Variants in MAGI2 observed in about 807,000 individuals in gnomAD.
MAGI2 encodes membrane-associated guanylate kinase, WW and PDZ domain-containing protein 2.
In MAGI2, 35 loss-of-function variants were observed where a neutral mutation model predicts 133.3. The ratio of observed to expected loss-of-function variants is 0.26; its 90% CI spans 0.20 to 0.35. MAGI2 has a LOEUF of 0.35. MAGI2 is among the 10% of genes least tolerant of loss of function. The probability of loss-of-function intolerance (pLI) is 1.00; values close to 1 mark genes in which losing one functional copy is unlikely to be tolerated. For synonymous variants in MAGI2, 729 were observed against 710.6 expected, an observed-to-expected ratio of 1.03 and a Z score of -0.41; for missense variants, 1,636 against 1,863.4, an observed-to-expected ratio of 0.88 and a Z score of 2.25.
chr7:78,037,017 G>A (rs980837863), intron 21 of MAGI2, among the ~76,000 whole-genome samples: 9 of 151,356 alleles, frequency 5.9e-5, no homozygotes, highest in Non-Finnish European at 1.2e-4. Context: ...TATGAGTAGA[G>A]CAATAGCCCT....
rs73701473 is a variant in MAGI2, at chr7:78,417,125, A to G, written c.1046-47912T>C. ...AAATCCATTCTCTACTATTTCTGGT[A>G]AGTAACTAAATAAAGCTGCTTTGAG... On this transcript the variant is annotated intron_variant, in intron 6 of 21. Coordinates refer to ENST00000354212, the MANE Select transcript of MAGI2 (RefSeq NM_012301.4). 6.9e-3 allele frequency among the ~76,000 whole-genome samples: 1,043 copies of G among 152,246 alleles called. 8 individuals are homozygous for G. Among genetic ancestry groups the G allele is most frequent in the African/African-American group, 0.024 (984 of 41,544 alleles).
chr7:79,014,137 G>A (rs1170495368), intron 1 of MAGI2, among the ~76,000 whole-genome samples: 1 of 152,148 alleles, frequency 6.6e-6, no homozygotes, highest in African/African-American at 2.4e-5. Flanking sequence ...CAGAGAAAAT[G>A]ACAGAGATAA....
intron 6 of MAGI2, among the ~76,000 whole-genome samples, chr7:78,418,476 CTA>C (rs1798498975): frequency 6.6e-6 from 1 of 152,084 alleles, no homozygotes; most frequent in Non-Finnish European, 1.5e-5. Flanking sequence ...ACAGAATCTT[CTA>C]TGATGATGGA....
At chr7:78,941,732 A>T (rs1800995252) in intron 2 of MAGI2, among the ~76,000 whole-genome samples, 1 of 105,428 alleles carries the variant, frequency 9.5e-6, no homozygotes, top group African/African-American at 4.0e-5. Context: ...ATTTCATCAC[A>T]CACACACACA....
At chr7:79,389,426 T>C (rs751758102) in intron 1 of MAGI2, among the ~76,000 whole-genome samples, 1 of 152,080 alleles carries the variant, frequency 6.6e-6, no homozygotes, top group Non-Finnish European at 1.5e-5. Context: ...AACTTATGAA[T>C]GTGCTGTAAT....
chr7:78,680,960 A>C (rs533469891), intron 2 of MAGI2, among the ~76,000 whole-genome samples: 2 of 152,266 alleles, frequency 1.3e-5, no homozygotes, highest in South Asian at 4.1e-4. Flanking sequence ...TTACACTGAC[A>C]AGTCATGGCT....
At chr7:78,217,006 G>C (rs1436161805) in intron 10 of MAGI2, among the ~76,000 whole-genome samples, 5 of 152,162 alleles carry the variant, frequency 3.3e-5, no homozygotes, top group Non-Finnish European at 4.4e-5. Context: ...CATCTTCACA[G>C]ACATGCACAC....
intron 2 of MAGI2, among the ~76,000 whole-genome samples, chr7:78,812,287 T>A (rs1441672563): frequency 2.0e-5 from 3 of 152,150 alleles, no homozygotes; most frequent in Non-Finnish European, 2.9e-5. Context: ...AAAAAACTAA[T>A]ACAGGTTGTA....
intron 9 of MAGI2, among the ~76,000 whole-genome samples, chr7:78,261,915 G>T (rs1721155583): frequency 1.3e-5 from 2 of 152,086 alleles, no homozygotes; most frequent in South Asian, 2.1e-4. Flanking sequence ...ACTTTTGGGG[G>T]TGTGCTACTC....
intron 21 of MAGI2, among the ~76,000 whole-genome samples, chr7:78,031,731 A>G (rs1026444140): frequency 3.9e-5 from 6 of 152,234 alleles, no homozygotes; most frequent in Non-Finnish European, 5.9e-5. Context: ...ATCAAAAAGT[A>G]CTTATGTCAC....
At chr7:78,294,885 A>G (rs935520541) in intron 9 of MAGI2, among the ~76,000 whole-genome samples, 2 of 152,162 alleles carry the variant, frequency 1.3e-5, no homozygotes, top group African/African-American at 2.4e-5. Context: ...CTGACTGGAT[A>G]TTTTGTTCCA....
intron 2 of MAGI2, among the ~76,000 whole-genome samples, chr7:78,648,887 C>A (rs115112665): frequency 6.6e-6 from 1 of 152,126 alleles, no homozygotes; most frequent in Non-Finnish European, 1.5e-5. Flanking sequence ...CTGCTGATGT[C>A]AATCTAAGAT....
At chr7:78,610,254 T>A (rs185949485) in intron 3 of MAGI2, among the ~76,000 whole-genome samples, 1 of 152,308 alleles carries the variant, frequency 6.6e-6, no homozygotes, top group African/African-American at 2.4e-5. Context: ...GTTCTATCAA[T>A]CCAATTGCTT....
chr7:79,383,494 G>A (rs956360997), intron 1 of MAGI2, among the ~76,000 whole-genome samples: 5 of 151,100 alleles, frequency 3.3e-5, no homozygotes, highest in African/African-American at 1.2e-4. Flanking sequence ...TGCGATACAT[G>A]GTCTATAAAT....
chr7:78,300,483 A>G (rs1202850514), intron 9 of MAGI2, among the ~76,000 whole-genome samples: 1 of 152,190 alleles, frequency 6.6e-6, no homozygotes, highest in Non-Finnish European at 1.5e-5. Context: ...GCACTTATCC[A>G]TGAATTTTCA....
chr7:79,168,817 C>A (rs1261105158), intron 1 of MAGI2, among the ~76,000 whole-genome samples: 1 of 151,028 alleles, frequency 6.6e-6, no homozygotes, highest in Non-Finnish European at 1.5e-5. Flanking sequence ...GTCAGATGGA[C>A]CCTCTATTAG....
At chr7:79,303,605 G>A (rs1534492) in intron 1 of MAGI2, among the ~76,000 whole-genome samples, 145,890 of 152,244 alleles carry the variant, frequency 0.96, 69,978 homozygotes, top group Non-Finnish European at 0.98. Context: ...CAGAATTTAA[G>A]GTTGGTTTGT....
chr7:78,663,850 A>G (rs1274611970), intron 2 of MAGI2, among the ~76,000 whole-genome samples: 2 of 152,152 alleles, frequency 1.3e-5, no homozygotes, highest in Non-Finnish European at 2.9e-5. Flanking sequence ...GTCATGACTA[A>G]TCTCCCTTTT....
chr7:78,897,571 T>C (rs1217910504), intron 2 of MAGI2, among the ~76,000 whole-genome samples: 2 of 152,256 alleles, frequency 1.3e-5, no homozygotes, highest in African/African-American at 4.8e-5. Flanking sequence ...TCATAATTCC[T>C]CCAGCTTTGT....
Sources: gnomAD v4.1 joint callset for allele counts (sites outside exome capture counted in the v4.1 genomes callset) on GRCh38, gnomAD v4.1.1 for gene constraint, MANE v1.5 for transcripts, NCBI Gene and HGNC (gene_info 2026-07-23, HGNC 2026-07-21) for gene names.